Variants in CMPK1 observed in about 807,000 individuals in gnomAD.
CMPK1 encodes cytidine/uridine monophosphate kinase 1, also known as UMP-CMP kinase.
In CMPK1, 10 loss-of-function variants were observed where a neutral mutation model predicts 25.7. That is an observed-to-expected ratio of 0.39 (90% CI 0.24 to 0.66). The LOEUF is 0.66. Ranked by LOEUF, CMPK1 falls within the 30% of genes least tolerant of loss-of-function variation. The pLI is 0.48. For synonymous variants in CMPK1, 106 were observed against 101.5 expected (o/e 1.04, Z -0.27); for missense variants, 199 against 280.5 (o/e 0.71, Z 2.08).
intron 1 of CMPK1, among the ~76,000 whole-genome samples, chr1:47,367,157 T>C (rs1646644987): frequency 6.6e-6 from 1 of 152,192 alleles, no homozygotes; most frequent in African/African-American, 2.4e-5. Context: ...AAGCATGATC[T>C]ACCTTGCCCA....
At chr1:47,337,010 C>T (rs979747834) in intron 1 of CMPK1, among the ~76,000 whole-genome samples, 6 of 152,190 alleles carry the variant, frequency 3.9e-5, no homozygotes, top group South Asian at 2.1e-4. Context: ...CAGGGCTGGG[C>T]GCAGTAGCTC....
rs1445599902 is a variant in CMPK1 at position 47,373,033 on chromosome 1, C to T, written c.397C>T (p.Leu133Phe). The T allele has an allele frequency of 4.3e-6, 7 of 1,612,958 alleles. No homozygotes were observed. The Admixed American group carries it at 6.7e-5, about 15-fold the overall frequency. Reference protein sequence around the residue: ...IDGFPRNQDNLQGWNKTMDGK... With the variant: ...IDGFPRNQDNFQGWNKTMDGK... ...TGGGTTTCCAAGAAATCAAGACAAC[C>T]TTCAAGGATGGAACAAGACCATGGA... Residue 133 changes from leucine (L) to phenylalanine (F), a missense_variant, in exon 3 of 6, where the codon CTT becomes TTT. By Grantham distance (22) the Leu-to-Phe change is conservative. Coordinates refer to ENST00000371873, the MANE Select transcript of CMPK1 (RefSeq NM_016308.3).
At chr1:47,361,871 CTT>C (rs34928345) in intron 1 of CMPK1, among the ~76,000 whole-genome samples, 1,265 of 125,852 alleles carry the variant, frequency 0.01, 21 homozygotes, top group African/African-American at 0.033. Context: ...AAATACTACT[CTT>C]TTTTTTTTTT....
chr1:47,339,447 A>G (rs1179393478), intron 1 of CMPK1, among the ~76,000 whole-genome samples: 1 of 152,232 alleles, frequency 6.6e-6, no homozygotes, highest in African/African-American at 2.4e-5. Context: ...TATATAAATC[A>G]GAAACTTGAT....
chr1:47,369,650 C>T (rs1327495924), intron 2 of CMPK1, among the ~76,000 whole-genome samples: 1 of 151,806 alleles, frequency 6.6e-6, no homozygotes, highest in African/African-American at 2.4e-5. Context: ...CAACCTCTGC[C>T]TCCCGGGTTC....
intron 1 of CMPK1, among the ~76,000 whole-genome samples, chr1:47,359,101 G>A (rs927581030): frequency 3.3e-5 from 5 of 152,048 alleles, no homozygotes; most frequent in African/African-American, 4.8e-5. Flanking sequence ...GGCGGATCAC[G>A]AGGTCAGGAG....
rs76148875 is a variant in CMPK1, at chr1:47,346,448, C to T, written c.171+12332C>T. ...TCATACGCTGGAATCATATTGGACA[C>T]TTCCACCTGCATTTCTTATTAATTT... is the stretch of plus-strand genomic sequence containing the variant. On this transcript the variant is annotated intron_variant, in intron 1 of 5. Transcript: ENST00000371873. 5.8e-3 allele frequency among the ~76,000 whole-genome samples: 879 copies of T among 152,212 alleles called. 7 individuals carry two copies. The highest frequency in any genetic ancestry group is 0.02 in the African/African-American group (826 of 41,544).
chr1:47,376,472 C>T (rs377078148), intron 5 of CMPK1, among the ~76,000 whole-genome samples: 1 of 151,976 alleles, frequency 6.6e-6, no homozygotes, highest in African/African-American at 2.4e-5. Context: ...CCCGCCACCA[C>T]GCCTGGCTGA....
intron 1 of CMPK1, among the ~76,000 whole-genome samples, chr1:47,360,635 C>T (rs1317314499): frequency 6.6e-6 from 1 of 152,200 alleles, no homozygotes; most frequent in East Asian, 1.9e-4. Flanking sequence ...TAGTGAGGCT[C>T]AAGTCATTTT....
intron 1 of CMPK1, among the ~76,000 whole-genome samples, chr1:47,342,802 A>C (rs1646451230): frequency 6.6e-6 from 1 of 151,516 alleles, no homozygotes; most frequent in South Asian, 2.1e-4. Context: ...GGCACTTGCC[A>C]CCATGCCCAG....
At chr1:47,334,265 A>G (rs1646379041) in intron 1 of CMPK1, 149 bp downstream of exon 1, 3 of 712,706 alleles carry the variant, frequency 4.2e-6, no homozygotes, top group Non-Finnish European at 3.8e-6. Flanking sequence ...GCAGTGGCCG[A>G]GGGCCGCCGG....
rs995557751 is a variant in CMPK1, at chr1:47,376,995, A to T, written c.*250A>T. The T allele has an allele frequency of 4.1e-4, 123 of 299,538 alleles. No individual in the cohort carries two copies. The highest frequency in any genetic ancestry group is 6.3e-4 in the Non-Finnish European group (102 of 162,796). The allele number at this position is 299,538 out of a possible 1,614,324, so 18.6% of individuals were successfully genotyped here. A position where few individuals can be genotyped will look rare whatever the true frequency, so the allele number is the denominator to read the frequency against. On this transcript the variant is annotated 3_prime_UTR_variant, in exon 6 of 6. Transcript: ENST00000371873. ...CGAAGGGTATCAGCTATTTTTTTTA[A>T]AATTCAAAAAGAATATCCCTTTTAT...
At chr1:47,357,599 C>G (rs1200911766) in intron 1 of CMPK1, among the ~76,000 whole-genome samples, 1 of 151,764 alleles carries the variant, frequency 6.6e-6, no homozygotes, top group East Asian at 1.9e-4. Flanking sequence ...ATTCTTCTGC[C>G]TCAGTCTCCT....
At chr1:47,345,264 T>C (rs1322977330) in intron 1 of CMPK1, among the ~76,000 whole-genome samples, 1 of 151,960 alleles carries the variant, frequency 6.6e-6, no homozygotes, top group African/African-American at 2.4e-5. Context: ...ATCCTTCAGA[T>C]CTTAGCTTAA....
At chr1:47,357,696 G>T (rs1346926740) in intron 1 of CMPK1, among the ~76,000 whole-genome samples, 2 of 151,904 alleles carry the variant, frequency 1.3e-5, no homozygotes, top group Non-Finnish European at 2.9e-5. Context: ...TGTTGGTCAG[G>T]CTGATTTTCA....
At chr1:47,337,707 G>C (rs892417277) in intron 1 of CMPK1, among the ~76,000 whole-genome samples, 1 of 151,246 alleles carries the variant, frequency 6.6e-6, no homozygotes, top group African/African-American at 2.4e-5. Context: ...TCCATCTTCT[G>C]GATTCAAGCG....
At chr1:47,373,638 AT>A (rs1646690407) in intron 3 of CMPK1, among the ~76,000 whole-genome samples, 1 of 152,160 alleles carries the variant, frequency 6.6e-6, no homozygotes, top group Non-Finnish European at 1.5e-5. Context: ...TCTACTAAAA[AT>A]ACAAAAATTA....
At position 47,351,589 on chromosome 1, in the gene CMPK1, G is replaced by A. The variant is rs540540070; in HGVS notation, c.172-16880G>A. The stretch of plus-strand genomic sequence containing the variant: ...TTGAGTCTGTTTTCAGTTCTTTGGG[G>A]TATATACATAGAAATGGAATTGCTG... On this transcript the variant is annotated intron_variant, in intron 1 of 5. Transcript: ENST00000371873. 6.4e-4 allele frequency among the ~76,000 whole-genome samples: 97 copies of A among 152,198 alleles called. 1 individual carries two copies. The South Asian group carries it at 6.8e-3, about 11-fold the overall frequency.
At position 47,373,007 on chromosome 1, in the gene CMPK1, A is replaced by G; in HGVS notation, c.371A>G (p.Asp124Gly). The G allele has an allele frequency of 4.3e-6, 7 of 1,613,436 alleles. No homozygotes were observed. The highest frequency in any genetic ancestry group is 5.9e-6 in the Non-Finnish European group (7 of 1,179,640). The change falls in exon 3 of 6, where the codon GAT becomes GGT. Residue 124 changes from aspartate (D) to glycine (G), a missense_variant. Asp to Gly is a moderately conservative substitution (Grantham distance 94). Coordinates refer to ENST00000371873, the MANE Select transcript of CMPK1 (RefSeq NM_016308.3). ...GCTCAGAAGAATAAATTCTTGATTGATGGGTTTCCAAGAAATCAAGACAAC... is the reference window on the plus strand; with the variant it reads ...GCTCAGAAGAATAAATTCTTGATTGGTGGGTTTCCAAGAAATCAAGACAAC... ...ANAQKNKFLI[D>G]GFPRNQDNLQ...
Sources: gnomAD v4.1 joint callset for allele counts (sites outside exome capture counted in the v4.1 genomes callset) on GRCh38, gnomAD v4.1.1 for gene constraint, MANE v1.5 for transcripts, NCBI Gene and HGNC (gene_info 2026-07-23, HGNC 2026-07-21) for gene names.